PPIL4: variants seen among roughly 807,000 people sequenced by gnomAD.
The protein encoded by PPIL4 is peptidylprolyl isomerase like 4, also known as peptidyl-prolyl cis-trans isomerase-like 4.
A neutral mutation model predicts 69.1 loss-of-function variants in PPIL4; 50 were observed. The observed-to-expected ratio is 0.72, with a 90% CI of 0.58 to 0.92. The LOEUF (loss-of-function observed/expected upper bound fraction) is 0.92. Among genes scored for constraint, PPIL4 ranks in the 40% least tolerant of loss-of-function variants. PPIL4 has a pLI of 0.00. For missense variants in PPIL4, 480 were observed against 587.9 expected, an observed-to-expected ratio of 0.82 and a Z score of 1.90; for synonymous variants, 193 against 191.6, an observed-to-expected ratio of 1.01 and a Z score of -0.06.
chr6:149,537,125 C>CAAA (rs767886058), intron 4 of PPIL4, among the ~76,000 whole-genome samples: 1 of 91,528 alleles, frequency 1.1e-5, no homozygotes, highest in Non-Finnish European at 2.3e-5. Flanking sequence ...GAATCTGTCT[C>CAAA]AAAAAAAAAA....
intron 8 of PPIL4, 45 bp downstream of exon 8, chr6:149,526,607 T>TA: frequency 6.5e-7 from 1 of 1,540,890 alleles, no homozygotes; most frequent in Non-Finnish European, 8.9e-7. Context: ...CACCAACTGA[T>TA]ACCTAGTTTT....
At chr6:149,541,737 C>T (rs999564053) in intron 1 of PPIL4, 151 bp from the exon 2 acceptor site, 21 of 525,656 alleles carry the variant, frequency 4.0e-5, no homozygotes, top group Admixed American at 1.3e-4. Flanking sequence ...ATAGGCCGGG[C>T]GCTGGCTCAC....
chr6:149,541,445 G>A lies in PPIL4; in HGVS notation c.139-14C>T. The stretch of plus-strand genomic sequence containing the variant: ...GATAAAATCCCTCTGTAATATGTAG[G>A]ATTCTTTGTTAATTCACAGAGTTTG... On this transcript the variant is annotated splice_polypyrimidine_tract_variant and intron_variant, in intron 2 of 12. Coordinates refer to ENST00000253329, the MANE Select transcript of PPIL4 (RefSeq NM_139126.4). 6.3e-7 allele frequency: 1 copy of A among 1,577,184 alleles called. No individual in the cohort carries two copies. Among genetic ancestry groups the A allele is most frequent in the Non-Finnish European group, 8.7e-7 (1 of 1,150,800 alleles).
At chr6:149,516,177 G>C (rs1164569387) in intron 11 of PPIL4, among the ~76,000 whole-genome samples, 1 of 152,086 alleles carries the variant, frequency 6.6e-6, no homozygotes, top group East Asian at 1.9e-4. Context: ...CAAAGATTTG[G>C]TAAATAAATA....
At chr6:149,520,648 A>G (rs1204134957) in intron 10 of PPIL4, among the ~76,000 whole-genome samples, 1 of 152,136 alleles carries the variant, frequency 6.6e-6, no homozygotes, top group Non-Finnish European at 1.5e-5. Flanking sequence ...TACAAATGGC[A>G]GGAGTTACAT....
At position 149,517,452 on chromosome 6, in the gene PPIL4, T is replaced by C; in HGVS notation, c.983-2A>G. On this transcript the variant is annotated splice_acceptor_variant, in intron 10 of 12. Transcript: ENST00000253329. LOFTEE classifies it high-confidence loss of function. ...AATCACTCTTGGTGTATTTCCCACC[T>C]ATTTATTAAGAAAAGAAAAAAAGAG... is the stretch of plus-strand genomic sequence containing the variant. 6.7e-7 allele frequency: 1 copy of C among 1,485,302 alleles called. No homozygotes were observed. The highest frequency in any genetic ancestry group is 1.4e-5 in the African/African-American group (1 of 70,578). 92.0% of individuals were successfully genotyped at this position (1,485,302 alleles called of 1,614,324 possible).
intron 4 of PPIL4, among the ~76,000 whole-genome samples, 170 bp from the exon 5 acceptor site, chr6:149,535,908 A>C (rs1365538705): frequency 1.3e-5 from 2 of 152,258 alleles, no homozygotes; most frequent in Non-Finnish European, 2.9e-5. Flanking sequence ...TTATACTGGC[A>C]TACCTCATTT....
intron 5 of PPIL4, 113 bp from the exon 6 acceptor site, chr6:149,534,887 C>G (rs1262952263): frequency 5.1e-6 from 3 of 589,542 alleles, no homozygotes; most frequent in South Asian, 5.0e-5. Flanking sequence ...AAAAAAAACC[C>G]ATATTGCATA....
rs759087428 is a variant in PPIL4 at position 149,540,941 on chromosome 6, C to A, written c.321+1G>T. Reference sequence around the variant, plus strand: ...TCTCATATTCTTACTCATTTCCTAACCTGAGATCCATGTTGATCACTGCCA... The same window carrying A: ...TCTCATATTCTTACTCATTTCCTAAACTGAGATCCATGTTGATCACTGCCA... On this transcript the variant is annotated splice_donor_variant, in intron 4 of 12. Transcript: ENST00000253329. LOFTEE classifies it high-confidence loss of function. 1.3e-6 allele frequency: 2 copies of A among 1,548,716 alleles called. No individual in the cohort carries two copies. The highest frequency in any genetic ancestry group is 1.8e-6 in the Non-Finnish European group (2 of 1,122,194).
chr6:149,526,160 AT>A (rs1259068142), intron 8 of PPIL4, among the ~76,000 whole-genome samples: 1 of 152,146 alleles, frequency 6.6e-6, no homozygotes, highest in African/African-American at 2.4e-5. Context: ...GAAACCCTAA[AT>A]ATAATACTTT....
At chr6:149,522,509 T>C (rs1462595043) in intron 9 of PPIL4, among the ~76,000 whole-genome samples, 1 of 152,182 alleles carries the variant, frequency 6.6e-6, no homozygotes. Flanking sequence ...CATATATGGA[T>C]ACCGATTTAT....
intron 3 of PPIL4, 53 bp downstream of exon 3, chr6:149,541,314 A>AAAGT (rs1554217768): frequency 3.4e-4 from 262 of 760,780 alleles, no homozygotes; most frequent in African/African-American, 3.2e-3. Flanking sequence ...CCAGAGGTTA[A>AAAGT]AAGTAAATAA....
chr6:149,545,814 G>T, intron 1 of PPIL4, 122 bp downstream of exon 1: 1 of 870,548 alleles, frequency 1.1e-6, no homozygotes, highest in South Asian at 1.6e-5. Context: ...GCCCAGTCGC[G>T]GGCACCAGCA....
intron 10 of PPIL4, among the ~76,000 whole-genome samples, chr6:149,518,471 G>C (rs995886544): frequency 2.0e-5 from 3 of 152,160 alleles, no homozygotes; most frequent in African/African-American, 7.2e-5. Context: ...ACAAACTGGA[G>C]GTACAGACAG....
chr6:149,505,637 CTCTTTTGTT>C lies in PPIL4; in HGVS notation c.1286_1294del (p.Lys429_Lys431del), dbSNP rs748276878. On this transcript the variant is annotated inframe_deletion, in exon 13 of 13. Coordinates refer to ENST00000253329, the MANE Select transcript of PPIL4 (RefSeq NM_139126.4). ...GTTCTGAGTTCGGTCTCTCTTTTCA[CTCTTTTGTT>C]TCTCCCAACAGCTTTCTTCTTCTTC... is the stretch of plus-strand genomic sequence containing the variant. 3.1e-6 allele frequency: 5 copies of C among 1,614,016 alleles called. No homozygotes were observed. In the East Asian group the frequency reaches 1.1e-4, roughly 36 times the overall value.
intron 5 of PPIL4, among the ~76,000 whole-genome samples, 156 bp from the exon 6 acceptor site, chr6:149,534,930 T>G (rs576374521): frequency 1.3e-5 from 2 of 152,362 alleles, no homozygotes; most frequent in South Asian, 2.1e-4. Context: ...ACTTTCACAA[T>G]GAGTGTTACT....
chr6:149,514,079 AATGTCT>A (rs1358736054), intron 11 of PPIL4, among the ~76,000 whole-genome samples: 1 of 152,168 alleles, frequency 6.6e-6, no homozygotes, highest in Non-Finnish European at 1.5e-5. Context: ...TTTCCACAGG[AATGTCT>A]CACTTCTACA....
At chr6:149,514,842 A>T (rs1204638164) in intron 11 of PPIL4, among the ~76,000 whole-genome samples, 1 of 150,596 alleles carries the variant, frequency 6.6e-6, no homozygotes, top group Non-Finnish European at 1.5e-5. Context: ...TATTTTTTTT[A>T]ATTTTTTTTT....
At chr6:149,527,908 G>A (rs918975489) in intron 7 of PPIL4, among the ~76,000 whole-genome samples, 2 of 152,158 alleles carry the variant, frequency 1.3e-5, no homozygotes, top group African/African-American at 4.8e-5. Flanking sequence ...AACACAGCCA[G>A]TAAGATCTCC....
Sources: gnomAD v4.1 joint callset for allele counts (sites outside exome capture counted in the v4.1 genomes callset) on GRCh38, gnomAD v4.1.1 for gene constraint, MANE v1.5 for transcripts, NCBI Gene and HGNC (gene_info 2026-07-23, HGNC 2026-07-21) for gene names.